THADA: variants seen among roughly 807,000 people sequenced by gnomAD.
The protein encoded by THADA is THADA armadillo repeat containing, also known as tRNA (32-2'-O)-methyltransferase regulator THADA.
Under a neutral mutation model 219.8 loss-of-function variants are expected in THADA, and 213 were observed. That is an observed-to-expected ratio of 0.97 (90% confidence interval 0.87 to 1.09). THADA has a LOEUF of 1.09. Among genes scored for constraint, THADA ranks in the 50% least tolerant of loss-of-function variants. THADA has a pLI of 0.00. For missense variants in THADA, 2,956 were observed against 2,311.3 expected (o/e 1.28, Z -5.72); for synonymous variants, 1,018 against 828.9 (o/e 1.23, Z -3.92).
At chr2:43,280,614 G>T (rs1673228682) in intron 35 of THADA, among the ~76,000 whole-genome samples, 1 of 152,058 alleles carries the variant, frequency 6.6e-6, no homozygotes, top group Non-Finnish European at 1.5e-5. Context: ...CCTGGCGACA[G>T]AGTGAGACTC....
intron 1 of THADA, among the ~76,000 whole-genome samples, chr2:43,594,491 G>A (rs892852723): frequency 1.3e-5 from 2 of 152,118 alleles, no homozygotes; most frequent in African/African-American, 4.8e-5. Context: ...GGCTGAGGCA[G>A]GAGAATGGCT....
chr2:43,548,279 G>C (rs538100347), intron 20 of THADA, among the ~76,000 whole-genome samples: 2 of 152,302 alleles, frequency 1.3e-5, no homozygotes, highest in East Asian at 3.9e-4. Context: ...GCCCCTACTG[G>C]GGGGTGCCTC....
At chr2:43,416,609 A>T (rs1288583327) in intron 28 of THADA, among the ~76,000 whole-genome samples, 1 of 152,160 alleles carries the variant, frequency 6.6e-6, no homozygotes, top group Non-Finnish European at 1.5e-5. Flanking sequence ...TCAGGGCACA[A>T]ATGTCCCAGA....
intron 9 of THADA, among the ~76,000 whole-genome samples, chr2:43,577,900 T>C (rs1303360941): frequency 6.6e-6 from 1 of 152,142 alleles, no homozygotes; most frequent in Non-Finnish European, 1.5e-5. Flanking sequence ...ATTAAAAATA[T>C]CTTTTAAGAT....
At chr2:43,508,403 C>G (rs923996029) in intron 23 of THADA, among the ~76,000 whole-genome samples, 1 of 152,024 alleles carries the variant, frequency 6.6e-6, no homozygotes. Flanking sequence ...AATACACAGA[C>G]AGAAATTTAT....
intron 30 of THADA, among the ~76,000 whole-genome samples, chr2:43,342,544 T>C (rs6737691): frequency 0.018 from 2,672 of 152,326 alleles, 35 homozygotes; most frequent in African/African-American, 0.043. Context: ...GCTGTGTCTC[T>C]GCCTATGCCG....
At chr2:43,317,299 A>G (rs1678194748) in intron 31 of THADA, among the ~76,000 whole-genome samples, 1 of 152,220 alleles carries the variant, frequency 6.6e-6, no homozygotes, top group Admixed American at 6.5e-5. Flanking sequence ...TTTAAATAAA[A>G]TCTGTATTTT....
At chr2:43,566,523 T>C (rs1309372866) in intron 15 of THADA, 175 bp downstream of exon 15, 2 of 772,358 alleles carry the variant, frequency 2.6e-6, no homozygotes, top group African/African-American at 1.7e-5. Context: ...AGATAGTTTC[T>C]TCCTCTTCTG....
chr2:43,566,438 G>T, intron 15 of THADA: 1 of 714,060 alleles, frequency 1.4e-6, no homozygotes, highest in Non-Finnish European at 2.6e-6. Context: ...GGTAATAGCT[G>T]GAACTCTTTC....
chr2:43,446,503 C>T (rs1183950590), intron 26 of THADA, among the ~76,000 whole-genome samples: 1 of 152,148 alleles, frequency 6.6e-6, no homozygotes, highest in East Asian at 1.9e-4. Context: ...ACTTCCAGCC[C>T]CAGAAATGTG....
intron 36 of THADA, among the ~76,000 whole-genome samples, chr2:43,256,612 A>AT (rs1553356398): frequency 0.075 from 11,016 of 146,884 alleles, 1,246 homozygotes; most frequent in African/African-American, 0.25. Flanking sequence ...TAAATAAATA[A>AT]TTTTTTTTTT....
chr2:43,387,367 C>A (rs768131765), intron 29 of THADA, among the ~76,000 whole-genome samples: 1 of 152,146 alleles, frequency 6.6e-6, no homozygotes, highest in Non-Finnish European at 1.5e-5. Flanking sequence ...TAAAAGTGAG[C>A]TGGCTTATAT....
At position 43,397,973 on chromosome 2, in the gene THADA, G is replaced by A; in HGVS notation, c.4225C>T (p.Gln1409Ter). 6.2e-7 allele frequency: 1 copy of A among 1,613,752 alleles called. No individual in the cohort carries two copies. The highest frequency in any genetic ancestry group is 1.1e-5 in the South Asian group (1 of 91,044). The part of the protein sequence containing the change: ...RQNHIHGTLL[Q>*]VFHLLQAYSD... ...TCACACAAAGCAACTTTACTTACCTGGAGAAGTGTCCCATGAATGTGGTTT... is the reference window on the plus strand; with the variant it reads ...TCACACAAAGCAACTTTACTTACCTAGAGAAGTGTCCCATGAATGTGGTTT... Residue 1409 changes from glutamine to a stop codon, truncating the protein, a stop_gained and splice_region_variant, in exon 29 of 38, where the codon CAG becomes TAG. Transcript: ENST00000405975. LOFTEE classifies it high-confidence loss of function.
intron 36 of THADA, among the ~76,000 whole-genome samples, chr2:43,262,981 G>A (rs1168055455): frequency 3.9e-5 from 6 of 152,102 alleles, no homozygotes; most frequent in African/African-American, 1.2e-4. Context: ...TCCTCCTTAC[G>A]CCTGTGATGG....
chr2:43,570,572 A>T (rs1476218875), intron 13 of THADA, 62 bp from the exon 14 acceptor site: 11 of 1,524,686 alleles, frequency 7.2e-6, no homozygotes, highest in Middle Eastern at 1.8e-4. Context: ...TGTCAGCCTG[A>T]GAGGCAAATT....
intron 26 of THADA, among the ~76,000 whole-genome samples, chr2:43,464,177 A>G (rs1683961654): frequency 6.6e-6 from 1 of 152,234 alleles, no homozygotes; most frequent in Admixed American, 6.5e-5. Flanking sequence ...CCCAGTGGGT[A>G]AAACCAAAAA....
intron 25 of THADA, among the ~76,000 whole-genome samples, chr2:43,485,882 T>C (rs1286932097): frequency 6.6e-6 from 1 of 151,644 alleles, no homozygotes; most frequent in Non-Finnish European, 1.5e-5. Context: ...AAAAAAAGTA[T>C]TTTTTTAGAG....
intron 30 of THADA, among the ~76,000 whole-genome samples, chr2:43,335,176 C>G (rs1666267987): frequency 6.6e-6 from 1 of 152,126 alleles, no homozygotes; most frequent in South Asian, 2.1e-4. Context: ...ATAAGATTCC[C>G]AGGTGATTCA....
chr2:43,558,129 T>A (rs1189191025), intron 16 of THADA, among the ~76,000 whole-genome samples: 1 of 152,152 alleles, frequency 6.6e-6, no homozygotes, highest in Admixed American at 6.5e-5. Flanking sequence ...TCATCTTAGG[T>A]CAATCGAAGT....
Sources: allele counts gnomAD v4.1 joint callset (sites outside exome capture counted in the v4.1 genomes callset), GRCh38; gene constraint gnomAD v4.1.1; transcripts MANE v1.5; gene names NCBI Gene and HGNC (gene_info 2026-07-23, HGNC 2026-07-21).